PLPPR1: variants seen among roughly 807,000 people sequenced by gnomAD.
PLPPR1 encodes phospholipid phosphatase related 1.
A neutral mutation model predicts 33.1 loss-of-function variants in PLPPR1; 10 were observed. The observed-to-expected ratio is 0.30, with a 90% CI of 0.19 to 0.51. The LOEUF is 0.51. Ranked by LOEUF, PLPPR1 falls within the 20% of genes least tolerant of loss-of-function variation. The pLI is 0.97. For synonymous variants in PLPPR1, 151 were observed against 151.0 expected, an observed-to-expected ratio of 1.00 and a Z score of 0.00; for missense variants, 304 against 408.1, an observed-to-expected ratio of 0.74 and a Z score of 2.20.
At chr9:101,051,072 AG>A (rs1245910296) in intron 1 of PLPPR1, among the ~76,000 whole-genome samples, 3 of 152,160 alleles carry the variant, frequency 2.0e-5, no homozygotes, top group African/African-American at 7.2e-5. Context: ...CTACTTTTCC[AG>A]CGTATCTCAC....
chr9:101,313,993 T>A (rs566410121), intron 6 of PLPPR1, among the ~76,000 whole-genome samples: 15 of 152,226 alleles, frequency 9.9e-5, no homozygotes, highest in African/African-American at 3.6e-4. Flanking sequence ...TAATTCCTTT[T>A]TATTGCTGTG....
intron 3 of PLPPR1, among the ~76,000 whole-genome samples, chr9:101,282,050 A>G (rs1828313217): frequency 6.6e-6 from 1 of 152,198 alleles, no homozygotes; most frequent in Non-Finnish European, 1.5e-5. Flanking sequence ...ATTGAAAAGG[A>G]GGGACTACTT....
intron 1 of PLPPR1, among the ~76,000 whole-genome samples, chr9:101,067,489 T>C (rs1270825515): frequency 6.6e-6 from 1 of 152,062 alleles, no homozygotes; most frequent in East Asian, 1.9e-4. Flanking sequence ...GATTCATTAA[T>C]AGCTAAAGGA....
At chr9:101,169,950 T>C (rs417146) in intron 1 of PLPPR1, among the ~76,000 whole-genome samples, 94,956 of 151,272 alleles carry the variant, frequency 0.63, 31,441 homozygotes, top group Non-Finnish European at 0.75. Flanking sequence ...AGATTAAGAC[T>C]ATATTGTTGA....
At chr9:101,120,916 T>TA (rs1180892893) in intron 1 of PLPPR1, among the ~76,000 whole-genome samples, 1 of 152,218 alleles carries the variant, frequency 6.6e-6, no homozygotes, top group Admixed American at 6.5e-5. Context: ...GAGTGGCTAT[T>TA]ACAGGGAAAC....
At chr9:101,131,955 GAT>G (rs1348542961) in intron 1 of PLPPR1, among the ~76,000 whole-genome samples, 5 of 152,208 alleles carry the variant, frequency 3.3e-5, no homozygotes, top group African/African-American at 1.2e-4. Flanking sequence ...TCCCAGCACT[GAT>G]ATGAGTTGAA....
intron 1 of PLPPR1, among the ~76,000 whole-genome samples, chr9:101,099,890 G>A (rs955650263): frequency 2.0e-5 from 3 of 152,082 alleles, no homozygotes; most frequent in Non-Finnish European, 4.4e-5. Flanking sequence ...AGTCTGTGCT[G>A]TATAGAACTG....
At chr9:101,053,589 G>T (rs1453575647) in intron 1 of PLPPR1, among the ~76,000 whole-genome samples, 1 of 152,182 alleles carries the variant, frequency 6.6e-6, no homozygotes, top group Non-Finnish European at 1.5e-5. Context: ...TGGGAGGAAT[G>T]ATAATTCCTC....
rs191952382 is a variant in PLPPR1, at chr9:101,112,293, G to A, written c.-45-73157G>A. ...TTTATATTTACATAATAGGCAACAG[G>A]TACTCCACATATAGAATTAAAAAGT... On this transcript the variant is annotated intron_variant, in intron 1 of 7. Coordinates refer to ENST00000374874, the MANE Select transcript of PLPPR1 (RefSeq NM_207299.2). Among the ~76,000 whole-genome samples, 11 of 152,106 alleles carry A rather than the reference G, an allele frequency of 7.2e-5. No homozygotes were observed. In the East Asian group the frequency reaches 2.1e-3, roughly 29 times the overall value.
chr9:101,065,848 A>T (rs1830406188), intron 1 of PLPPR1, among the ~76,000 whole-genome samples: 1 of 152,054 alleles, frequency 6.6e-6, no homozygotes, highest in Admixed American at 6.6e-5. Context: ...AAGCAGTTTT[A>T]TTTTTACAGA....
At chr9:101,225,575 G>A (rs1167191132) in intron 2 of PLPPR1, among the ~76,000 whole-genome samples, 8 of 152,006 alleles carry the variant, frequency 5.3e-5, no homozygotes, top group African/African-American at 7.2e-5. Flanking sequence ...AACACGAAGC[G>A]GGAGCATGCA....
chr9:101,292,803 A>G (rs886730109), intron 4 of PLPPR1, among the ~76,000 whole-genome samples: 9 of 151,956 alleles, frequency 5.9e-5, no homozygotes, highest in African/African-American at 1.9e-4. Context: ...TCCTGTAGGA[A>G]GCACTAAACA....
At chr9:101,046,908 G>C (rs1289119604) in intron 1 of PLPPR1, among the ~76,000 whole-genome samples, 4 of 151,832 alleles carry the variant, frequency 2.6e-5, no homozygotes, top group South Asian at 4.2e-4. Context: ...TTAGTATATG[G>C]CCTTTAAAAT....
At chr9:101,122,374 T>G (rs1831189413) in intron 1 of PLPPR1, among the ~76,000 whole-genome samples, 1 of 152,244 alleles carries the variant, frequency 6.6e-6, no homozygotes, top group Non-Finnish European at 1.5e-5. Flanking sequence ...AACAGTTAAT[T>G]GCACTTGCTG....
chr9:101,102,760 C>A (rs1310564146), intron 1 of PLPPR1, among the ~76,000 whole-genome samples: 4 of 104,416 alleles, frequency 3.8e-5, no homozygotes, highest in African/African-American at 1.7e-4. Flanking sequence ...ACAGTCCCAC[C>A]AACAGTGTAA....
chr9:101,180,125 TATATATATATATATATATAC>T (rs1477248175), intron 1 of PLPPR1, among the ~76,000 whole-genome samples: 1,893 of 37,488 alleles, frequency 0.05, 147 homozygotes, highest in African/African-American at 0.16. Context: ...TATATATATA[TATATATATATATATATATAC>T]ACACACACAC....
At chr9:101,060,859 A>G in intron 1 of PLPPR1, among the ~76,000 whole-genome samples, 1 of 151,928 alleles carries the variant, frequency 6.6e-6, no homozygotes, top group Non-Finnish European at 1.5e-5. Context: ...CCACTTTATA[A>G]AGTACAAAAA....
chr9:101,123,186 T>C (rs1044223800), intron 1 of PLPPR1, among the ~76,000 whole-genome samples: 3 of 151,294 alleles, frequency 2.0e-5, no homozygotes, highest in East Asian at 3.9e-4. Context: ...AATCTGAAAG[T>C]CCTCCCAAAT....
Position 101,185,488 on chromosome 9 carries a change from G to A in PLPPR1, c.-7G>A, listed in dbSNP as rs533287497. The A allele has an allele frequency of 1.2e-5, 19 of 1,598,268 alleles. No individual in the cohort carries two copies. In the African/African-American group the frequency reaches 2.0e-4, roughly 17 times the overall value. ...TGACGGTGCAGTCTTGCTATATGGT[G>A]TGAGAAATGGCTGTAGGAAACAACA... On this transcript the variant is annotated 5_prime_UTR_variant, in exon 2 of 8. The change creates a new upstream start codon in the 5' untranslated region. Transcript: ENST00000374874.
Sources: allele counts gnomAD v4.1 joint callset (sites outside exome capture counted in the v4.1 genomes callset), GRCh38; gene constraint gnomAD v4.1.1; transcripts MANE v1.5; gene names NCBI Gene and HGNC (gene_info 2026-07-23, HGNC 2026-07-21).